CSMD3: variants seen among roughly 807,000 people sequenced by gnomAD.
The protein encoded by CSMD3 is CUB and sushi domain-containing protein 3.
CSMD3 carries 177 observed loss-of-function variants against 435.2 expected under a neutral mutation model. The observed-to-expected ratio is 0.41, with a 90% CI of 0.36 to 0.46. CSMD3 has a LOEUF of 0.46. Among genes scored for constraint, CSMD3 ranks in the 20% least tolerant of loss-of-function variants. The pLI, the probability that CSMD3 is intolerant of heterozygous loss-of-function variation, is 0.34. For synonymous variants in CSMD3, 1,656 were observed against 1,520.5 expected, an observed-to-expected ratio of 1.09 and a Z score of -2.07; for missense variants, 4,265 against 4,504.6, an observed-to-expected ratio of 0.95 and a Z score of 1.52.
chr8:112,644,843 A>ATGTTTCCTGTTTCCT (rs2074935059), intron 20 of CSMD3, among the ~76,000 whole-genome samples: 1 of 152,122 alleles, frequency 6.6e-6, no homozygotes, highest in Non-Finnish European at 1.5e-5. Context: ...CCTGTTACAA[A>ATGTTTCCTGTTTCCT]AATTTCAAAT....
At chr8:112,675,286 C>G (rs2075747303) in intron 16 of CSMD3, among the ~76,000 whole-genome samples, 1 of 152,092 alleles carries the variant, frequency 6.6e-6, no homozygotes, top group African/African-American at 2.4e-5. Context: ...CCAGTCTTAA[C>G]CCAGCTCTTA....
intron 6 of CSMD3, among the ~76,000 whole-genome samples, chr8:112,986,655 C>T (rs1310435518): frequency 6.6e-6 from 1 of 151,820 alleles, no homozygotes; most frequent in Non-Finnish European, 1.5e-5. Flanking sequence ...GAATTAAATC[C>T]ATAGATTTAC....
At chr8:112,440,835 A>G (rs1165013804) in intron 32 of CSMD3, among the ~76,000 whole-genome samples, 1 of 152,124 alleles carries the variant, frequency 6.6e-6, no homozygotes, top group African/African-American at 2.4e-5. Flanking sequence ...ATGATGCCCC[A>G]AGGCTGCATA....
At chr8:113,185,733 A>G (rs2092489833) in intron 3 of CSMD3, among the ~76,000 whole-genome samples, 3 of 149,430 alleles carry the variant, frequency 2.0e-5, no homozygotes, top group Non-Finnish European at 4.4e-5. Context: ...GTGTGTGTGC[A>G]TGCATGTGTG....
intron 10 of CSMD3, among the ~76,000 whole-genome samples, chr8:112,891,085 C>T (rs1179714958): frequency 6.6e-6 from 1 of 151,606 alleles, no homozygotes; most frequent in Non-Finnish European, 1.5e-5. Flanking sequence ...CTCATTTTTA[C>T]ATCAAGAGAA....
intron 5 of CSMD3, among the ~76,000 whole-genome samples, chr8:113,096,225 T>C (rs942091958): frequency 1.3e-5 from 2 of 152,118 alleles, no homozygotes; most frequent in African/African-American, 2.4e-5. Context: ...CATCCAAATT[T>C]AAGCTCCACA....
In CSMD3 at chr8:112,292,538, T is replaced by C; in HGVS notation, c.8787A>G (p.Lys2929=). 1 of 1,613,730 alleles carries C rather than the reference T, an allele frequency of 6.2e-7. No individual in the cohort carries two copies. The highest frequency in any genetic ancestry group is 8.5e-7 in the Non-Finnish European group (1 of 1,179,674). Residue 2929 remains lysine (K), a splice_region_variant and synonymous_variant, in exon 55 of 71, where the codon AAA becomes AAG. Coordinates refer to ENST00000297405, the MANE Select transcript of CSMD3 (RefSeq NM_198123.2). The part of the protein sequence containing the change: ...RQWSHPPPMC[K]VVNCSDPGIP... ...ATGGGAATATACTTAGACATTTACC[T>C]TTGCACATAGGTGGAGGATGGCTCC...
chr8:112,992,012 G>A (rs995096466), intron 6 of CSMD3, among the ~76,000 whole-genome samples: 1 of 151,670 alleles, frequency 6.6e-6, no homozygotes, highest in Admixed American at 6.6e-5. Context: ...AGTAAATTTT[G>A]ATTAAGCATT....
chr8:112,630,446 G>A (rs1337814920), intron 22 of CSMD3, among the ~76,000 whole-genome samples: 2 of 152,028 alleles, frequency 1.3e-5, no homozygotes, highest in Non-Finnish European at 2.9e-5. Flanking sequence ...ATTATAAAAT[G>A]GAATGATAAT....
intron 5 of CSMD3, among the ~76,000 whole-genome samples, chr8:113,067,107 T>C (rs1211490548): frequency 6.6e-6 from 1 of 152,140 alleles, no homozygotes; most frequent in East Asian, 1.9e-4. Context: ...TCTTTTTCTC[T>C]GAAAATTTCC....
intron 5 of CSMD3, among the ~76,000 whole-genome samples, chr8:113,072,242 T>A (rs1317867014): frequency 1.3e-5 from 2 of 151,850 alleles, no homozygotes; most frequent in Non-Finnish European, 2.9e-5. Flanking sequence ...AATCATATCA[T>A]CTAAAGCATT....
chr8:112,314,870 A>G (rs1822318722), intron 47 of CSMD3, among the ~76,000 whole-genome samples: 1 of 151,970 alleles, frequency 6.6e-6, no homozygotes, highest in South Asian at 2.1e-4. Flanking sequence ...TAAATACATA[A>G]ATAAAATATA....
At chr8:112,719,679 A>G (rs1489014208) in intron 13 of CSMD3, among the ~76,000 whole-genome samples, 5 of 152,054 alleles carry the variant, frequency 3.3e-5, no homozygotes, top group African/African-American at 1.2e-4. Context: ...TATGAATTTT[A>G]GGGGGGACAC....
intron 4 of CSMD3, among the ~76,000 whole-genome samples, chr8:113,164,691 CT>C (rs1243079426): frequency 6.6e-6 from 1 of 151,952 alleles, no homozygotes; most frequent in Non-Finnish European, 1.5e-5. Context: ...TATGAAAGAA[CT>C]TTCATCACTG....
At chr8:112,827,568 A>G (rs1489971387) in intron 12 of CSMD3, among the ~76,000 whole-genome samples, 1 of 152,184 alleles carries the variant, frequency 6.6e-6, no homozygotes, top group African/African-American at 2.4e-5. Context: ...AGGATCTAAC[A>G]AACATGTAGA....
intron 32 of CSMD3, among the ~76,000 whole-genome samples, chr8:112,415,361 T>G (rs752361787): frequency 6.6e-6 from 1 of 152,200 alleles, no homozygotes; most frequent in East Asian, 1.9e-4. Flanking sequence ...GTGTTGAGCC[T>G]GTGGGTGCAC....
chr8:112,300,744 A>G (rs1181028253), intron 53 of CSMD3, among the ~76,000 whole-genome samples: 1 of 152,182 alleles, frequency 6.6e-6, no homozygotes, highest in East Asian at 1.9e-4. Context: ...TCCAAGCATA[A>G]CTATTAACAA....
At chr8:113,131,322 A>T (rs574371866) in intron 4 of CSMD3, among the ~76,000 whole-genome samples, 1 of 152,168 alleles carries the variant, frequency 6.6e-6, no homozygotes, top group African/African-American at 2.4e-5. Flanking sequence ...GGAGGAAAAA[A>T]TGGCTGTTTG....
chr8:113,040,536 T>C (rs1369398762), intron 5 of CSMD3, among the ~76,000 whole-genome samples: 1 of 152,158 alleles, frequency 6.6e-6, no homozygotes, highest in Non-Finnish European at 1.5e-5. Flanking sequence ...GAGAGGTTGC[T>C]TTCTGACTTA....
Sources: allele counts gnomAD v4.1 joint callset (sites outside exome capture counted in the v4.1 genomes callset), GRCh38; gene constraint gnomAD v4.1.1; transcripts MANE v1.5; gene names NCBI Gene and HGNC (gene_info 2026-07-23, HGNC 2026-07-21).